SYNE1: variants seen among roughly 807,000 people sequenced by gnomAD.
The protein encoded by SYNE1 is nesprin-1.
In SYNE1, 616 loss-of-function variants were observed where a neutral mutation model predicts 1,111.0. That is an observed-to-expected ratio of 0.55 (90% CI 0.52 to 0.59). The LOEUF (loss-of-function observed/expected upper bound fraction) is 0.59, where lower values mean the gene tolerates loss of function less well. SYNE1 is among the 20% of genes least tolerant of loss of function. SYNE1 has a pLI of 0.00. For missense variants in SYNE1, 10,006 were observed against 10,417.0 expected, an observed-to-expected ratio of 0.96 and a Z score of 1.72; for synonymous variants, 3,855 against 3,825.8, an observed-to-expected ratio of 1.01 and a Z score of -0.28.
rs765261345 is a variant in SYNE1, at chr6:152,367,262, T to G, written c.9928A>C (p.Thr3310Pro). Residue 3310 changes from threonine to proline, a missense_variant, in exon 62 of 146, where the codon ACA becomes CCA. Physicochemically the swap from Thr to Pro is conservative, Grantham distance 38. Around this residue, in one of 7 missense-constraint regions of SYNE1, gnomAD observed 4,955 missense variants for 5,017.2 expected, o/e 0.99. Coordinates refer to ENST00000367255, the MANE Select transcript of SYNE1 (RefSeq NM_182961.4). ...CTGTCCAGCACACTTTTGTCGGATG[T>G]CGGGTGGCAGTATGAATCCAGCATG... ...IHMLDSYCHP[T>P]SDKSVLDSRT... The G allele has an allele frequency of 6.2e-7, 1 of 1,614,226 alleles. No individual in the cohort carries two copies. Among genetic ancestry groups the G allele is most frequent in the Non-Finnish European group, 8.5e-7 (1 of 1,180,032 alleles).
intron 121 of SYNE1, among the ~76,000 whole-genome samples, chr6:152,215,593 T>C (rs1211803354): frequency 6.6e-6 from 1 of 152,224 alleles, no homozygotes; most frequent in Non-Finnish European, 1.5e-5. Flanking sequence ...ACGTTTAATT[T>C]GTTCATGCTA....
intron 127 of SYNE1, among the ~76,000 whole-genome samples, chr6:152,198,747 T>C (rs1015510621): frequency 1.3e-5 from 2 of 152,140 alleles, no homozygotes; most frequent in Admixed American, 1.3e-4. Flanking sequence ...ACATGCTACA[T>C]TTATGAATTA....
chr6:152,330,258 C>A lies in SYNE1; in HGVS notation c.14427G>T (p.Leu4809=). The A allele has an allele frequency of 6.2e-7, 1 of 1,614,202 alleles. No homozygotes were observed. The highest frequency in any genetic ancestry group is 1.1e-5 in the South Asian group (1 of 91,082). Residue 4809 remains leucine (L), a synonymous_variant, in exon 78 of 146, where the codon CTG becomes CTT. Transcript: ENST00000367255. ...EEQSKVNEET[L]PAEEKLKMYH... is the part of the protein sequence containing the mutation. ...ACATTTTGAGCTTCTCCTCTGCAGG[C>A]AGCGTTTCCTCATTCACTTTGGACT...
chr6:152,206,174 C>T lies in SYNE1; in HGVS notation c.23013G>A (p.Leu7671=), dbSNP rs773958100. 1 of 1,613,392 alleles carries T rather than the reference C, an allele frequency of 6.2e-7. No homozygotes were observed. Among genetic ancestry groups the T allele is most frequent in the East Asian group, 2.2e-5 (1 of 44,866 alleles). ...LEEQKKKLAF[L]LKDWEKCEKG... is the part of the protein sequence containing the mutation. ...TTTTTCTAACTGAACTTACTTTCAACAAGAAGGCTAGTTTTTTCTTCTGTT... is the reference window on the plus strand; with the variant it reads ...TTTTTCTAACTGAACTTACTTTCAATAAGAAGGCTAGTTTTTTCTTCTGTT... The change falls in exon 126 of 146, where the codon TTG becomes TTA. Residue 7671 remains leucine, a synonymous_variant. Transcript: ENST00000367255.
At chr6:152,370,732 A>G (rs963515607) in intron 59 of SYNE1, among the ~76,000 whole-genome samples, 1 of 152,168 alleles carries the variant, frequency 6.6e-6, no homozygotes, top group African/African-American at 2.4e-5. Context: ...TTTAGGTAGT[A>G]TTGTCCAAGA....
At chr6:152,523,839 T>C (rs374491861) in intron 5 of SYNE1, among the ~76,000 whole-genome samples, 1 of 152,172 alleles carries the variant, frequency 6.6e-6, no homozygotes, top group Non-Finnish European at 1.5e-5. Flanking sequence ...GATACTGATA[T>C]TATTCTCGGC....
chr6:152,608,906 G>A (rs1463397141), intron 3 of SYNE1, among the ~76,000 whole-genome samples: 5 of 151,958 alleles, frequency 3.3e-5, no homozygotes, highest in African/African-American at 9.7e-5. Context: ...GCACTCCAGC[G>A]TGGTGACAGA....
At chr6:152,378,514 T>C (rs2097336273) in intron 56 of SYNE1, among the ~76,000 whole-genome samples, 1 of 152,210 alleles carries the variant, frequency 6.6e-6, no homozygotes, top group Non-Finnish European at 1.5e-5. Flanking sequence ...CATTCCCCTC[T>C]TTGCCTCTGC....
chr6:152,441,016 G>A (rs2098524920), intron 32 of SYNE1, 114 bp downstream of exon 32: 1 of 1,263,716 alleles, frequency 7.9e-7, no homozygotes, highest in African/African-American at 1.5e-5. Flanking sequence ...TCAATAAATA[G>A]TAAGTATTGA....
At chr6:152,237,067 C>A in intron 108 of SYNE1, 119 bp from the exon 109 acceptor site, 1 of 1,372,940 alleles carries the variant, frequency 7.3e-7, no homozygotes, top group South Asian at 1.2e-5. Flanking sequence ...GAGATGTTTG[C>A]GTTGGGCCTT....
At chr6:152,415,893 T>C (rs183586702) in intron 41 of SYNE1, among the ~76,000 whole-genome samples, 8 of 151,448 alleles carry the variant, frequency 5.3e-5, no homozygotes, top group African/African-American at 1.7e-4. Flanking sequence ...AATTTAGAAG[T>C]TGATTTTGCC....
At chr6:152,468,645 T>C (rs1479622945) in intron 16 of SYNE1, among the ~76,000 whole-genome samples, 4 of 152,330 alleles carry the variant, frequency 2.6e-5, no homozygotes, top group Middle Eastern at 3.4e-3. Flanking sequence ...TATTCTTTCT[T>C]TTTTGCAGGA....
intron 124 of SYNE1, among the ~76,000 whole-genome samples, chr6:152,209,253 T>C (rs2077083559): frequency 6.6e-6 from 1 of 152,238 alleles, no homozygotes; most frequent in African/African-American, 2.4e-5. Flanking sequence ...TTGTATCTTC[T>C]TGAAACTTCC....
chr6:152,527,586 A>G (rs2099169337), intron 4 of SYNE1, among the ~76,000 whole-genome samples: 2 of 152,200 alleles, frequency 1.3e-5, no homozygotes, highest in South Asian at 4.1e-4. Flanking sequence ...TACGGTCATT[A>G]AAAATGCAGT....
Position 152,188,969 on chromosome 6 carries a change from AAAAAAAAAAAAAAAAATATATATATAT to A in SYNE1, c.23301+256_23301+282del, listed in dbSNP as rs1418788329. The stretch of plus-strand genomic sequence containing the variant: ...TGAGACTCTGTCTCAAAAAAAAAAA[AAAAAAAAAAAAAAAAATATATATATAT>A]ATATATATATATATATATATATAAA... On this transcript the variant is annotated intron_variant, in intron 128 of 145. Transcript: ENST00000367255. Among the ~76,000 whole-genome samples the A allele has an allele frequency of 6.2e-3, 343 of 55,684 alleles. 1 individual carries two copies. Among genetic ancestry groups the A allele is most frequent in the South Asian group, 0.022 (34 of 1,576 alleles). The allele number at this position is 55,684 out of a possible 152,430, so 36.5% of individuals were successfully genotyped here.
Position 152,331,352 on chromosome 6 carries a change from T to C in SYNE1, c.13333A>G (p.Arg4445Gly), listed in dbSNP as rs1257175764. The C allele has an allele frequency of 6.2e-7, 1 of 1,614,120 alleles. No homozygotes were observed. Among genetic ancestry groups the C allele is most frequent in the Non-Finnish European group, 8.5e-7 (1 of 1,180,052 alleles). ...GACAAGGCTTTGTTTAAGTACTTTCTTCGCTGGCCCACTAAGTCACTGAGA... is the reference window on the plus strand; with the variant it reads ...GACAAGGCTTTGTTTAAGTACTTTCCTCGCTGGCCCACTAAGTCACTGAGA... ...NCLSDLVGQR[R>G]KYLNKALSEK... Residue 4445 changes from arginine (R) to glycine (G), a missense_variant, in exon 78 of 146, where the codon AGA (arginine) becomes GGA (glycine). Arg to Gly is a moderately radical substitution (Grantham distance 125, BLOSUM62 -2). Transcript: ENST00000367255.
chr6:152,355,997 G>A (rs2154053739), intron 66 of SYNE1, among the ~76,000 whole-genome samples: 1 of 151,710 alleles, frequency 6.6e-6, no homozygotes, highest in East Asian at 1.9e-4. Flanking sequence ...AGATATACAT[G>A]GTAAAATATT....
intron 3 of SYNE1, among the ~76,000 whole-genome samples, chr6:152,571,584 GAAGA>G (rs2099458667): frequency 6.6e-6 from 1 of 152,010 alleles, no homozygotes. Context: ...AAAAAGGAAG[GAAGA>G]AAGCATGCAA....
intron 3 of SYNE1, among the ~76,000 whole-genome samples, chr6:152,590,321 T>C (rs2099555364): frequency 6.6e-6 from 1 of 151,782 alleles, no homozygotes; most frequent in South Asian, 2.1e-4. Flanking sequence ...TAATCTTAGA[T>C]TATAACAACA....
Sources: allele counts gnomAD v4.1 joint callset (sites outside exome capture counted in the v4.1 genomes callset), GRCh38; gene constraint gnomAD v4.1.1; regional missense constraint gnomAD v4.1.1; transcripts MANE v1.5; gene names NCBI Gene and HGNC (gene_info 2026-07-23, HGNC 2026-07-21).